The following KSR1 variants were observed in gnomAD, a reference collection of about 807,000 sequenced individuals.
The protein encoded by KSR1 is kinase suppressor of ras 1.
In KSR1, 35 loss-of-function variants were observed where a neutral mutation model predicts 92.9. The observed-to-expected ratio is 0.38, with a 90% CI of 0.29 to 0.50. KSR1 has a LOEUF of 0.50. Ranked by LOEUF, KSR1 falls within the 20% of genes least tolerant of loss-of-function variation. KSR1 has a pLI of 0.94. For synonymous variants in KSR1, 467 were observed against 472.6 expected (o/e 0.99, Z 0.15); for missense variants, 972 against 1,158.5 (o/e 0.84, Z 2.34).
intron 1 of KSR1, among the ~76,000 whole-genome samples, chr17:27,519,426 C>T (rs1198039103): frequency 1.3e-5 from 2 of 152,146 alleles, no homozygotes; most frequent in Admixed American, 6.5e-5. Context: ...CCTCCCCACA[C>T]CCGTGTTACA....
intron 2 of KSR1, among the ~76,000 whole-genome samples, chr17:27,551,568 T>A (rs1598008488): frequency 6.6e-6 from 1 of 152,328 alleles, no homozygotes; most frequent in East Asian, 1.9e-4. Flanking sequence ...CTTTTTTTTT[T>A]TCCTTCCTCT....
chr17:27,573,641 A>G (rs2072393602), intron 2 of KSR1, among the ~76,000 whole-genome samples: 1 of 152,236 alleles, frequency 6.6e-6, no homozygotes, highest in South Asian at 2.1e-4. Flanking sequence ...TTCGAAAAAA[A>G]TAATTTCCCC....
At chr17:27,526,762 A>G in intron 1 of KSR1, 2 of 1,184,008 alleles carry the variant, frequency 1.7e-6, no homozygotes, top group Non-Finnish European at 2.5e-6. Flanking sequence ...CTTTCTCATC[A>G]TCGCACAGTT....
intron 1 of KSR1, among the ~76,000 whole-genome samples, chr17:27,510,338 G>C (rs1252529328): frequency 1.1e-5 from 1 of 90,114 alleles, no homozygotes; most frequent in African/African-American, 4.1e-5. Flanking sequence ...ATGAGCCTCA[G>C]TTTCCCTCAT....
chr17:27,537,683 T>A (rs2070800820), intron 1 of KSR1, among the ~76,000 whole-genome samples: 1 of 152,024 alleles, frequency 6.6e-6, no homozygotes, highest in African/African-American at 2.4e-5. Flanking sequence ...AGAACGAAAC[T>A]CCATCTCAAA....
intron 2 of KSR1, among the ~76,000 whole-genome samples, chr17:27,562,093 G>T (rs898489458): frequency 6.6e-6 from 1 of 152,094 alleles, no homozygotes; most frequent in African/African-American, 2.4e-5. Context: ...TGATCTGCCC[G>T]CCATGGCCTC....
At chr17:27,599,976 C>G (rs1163574171) in intron 10 of KSR1, among the ~76,000 whole-genome samples, 5 of 152,126 alleles carry the variant, frequency 3.3e-5, no homozygotes, top group African/African-American at 4.8e-5. Flanking sequence ...CACATCTTGT[C>G]CCACCGGAAG....
At position 27,605,590 on chromosome 17, in the gene KSR1, G is replaced by A; in HGVS notation, c.1771G>A (p.Val591Ile). ...GGAGTGGGACATCCCCTTCGAGCAGGTAGAGCTGGGCGAGCCCATCGGGCA... is the reference window on the plus strand; with the variant it reads ...GGAGTGGGACATCCCCTTCGAGCAGATAGAGCTGGGCGAGCCCATCGGGCA... ...LQEWDIPFEQ[V>I]ELGEPIGQGR... The change falls in exon 14 of 21, where the codon GTA becomes ATA. Residue 591 changes from valine (V) to isoleucine (I), a missense_variant. Val to Ile is a conservative substitution (Grantham distance 29). This residue lies in a region of KSR1 where 260 missense variants were observed against 375.2 expected (regional missense o/e 0.69). Transcript: ENST00000644974. The A allele has an allele frequency of 3.1e-6, 5 of 1,600,504 alleles. No individual in the cohort carries two copies. The highest frequency in any genetic ancestry group is 4.3e-6 in the Non-Finnish European group (5 of 1,174,232).
At chr17:27,582,108 T>G (rs2072783232) in intron 3 of KSR1, among the ~76,000 whole-genome samples, 1 of 152,120 alleles carries the variant, frequency 6.6e-6, no homozygotes. Flanking sequence ...TGGGGTGGGT[T>G]TCCTGGATTG....
intron 1 of KSR1, among the ~76,000 whole-genome samples, chr17:27,547,875 G>T (rs2071238793): frequency 6.6e-6 from 1 of 152,036 alleles, no homozygotes; most frequent in African/African-American, 2.4e-5. Flanking sequence ...ACCATGCCTG[G>T]CTAATTTTTG....
chr17:27,587,847 G>T (rs2073025393), intron 5 of KSR1, among the ~76,000 whole-genome samples: 1 of 152,246 alleles, frequency 6.6e-6, no homozygotes, highest in Non-Finnish European at 1.5e-5. Flanking sequence ...CAGCAGAGAA[G>T]GAGGGTGCCC....
chr17:27,582,631 C>T lies in KSR1; in HGVS notation c.521-15C>T, dbSNP rs375251573. 33 of 1,592,474 alleles carry T rather than the reference C, an allele frequency of 2.1e-5. No individual in the cohort carries two copies. The highest frequency in any genetic ancestry group is 1.5e-4 in the Admixed American group (9 of 59,156). ...CCAGCCCTGACCATCTGTGACTCCA[C>T]GTCTTGGTCCACAGGAGGGGAGCAC... is the stretch of plus-strand genomic sequence containing the variant. On this transcript the variant is annotated splice_polypyrimidine_tract_variant and intron_variant, in intron 3 of 20. Transcript: ENST00000644974.
intron 11 of KSR1, 48 bp downstream of exon 11, chr17:27,601,449 T>C: frequency 6.4e-7 from 1 of 1,551,450 alleles, no homozygotes; most frequent in Non-Finnish European, 8.9e-7. Context: ...TGTGACCCCT[T>C]CTGTCCTGCC....
At chr17:27,527,758 C>T (rs1425075391) in intron 1 of KSR1, among the ~76,000 whole-genome samples, 1 of 152,150 alleles carries the variant, frequency 6.6e-6, no homozygotes, top group African/African-American at 2.4e-5. Flanking sequence ...ATATCTTGGG[C>T]TTTCACCAAA....
Position 27,592,691 on chromosome 17 carries a change from CT to C in KSR1, c.1299+66del, listed in dbSNP as rs912697787. On this transcript the variant is annotated intron_variant, in intron 9 of 20. Transcript: ENST00000644974. Reference sequence around the variant, plus strand: ...TGGCCTTCCTTCCTATAAAGCACCCCTGCCTCAGAGGCTCAGTGGGGAAGTT... The same window carrying C: ...TGGCCTTCCTTCCTATAAAGCACCCCGCCTCAGAGGCTCAGTGGGGAAGTT... 6.4e-5 allele frequency: 88 copies of C among 1,366,950 alleles called. 1 individual carries two copies. Among genetic ancestry groups the C allele is most frequent in the Middle Eastern group, 2.5e-4 (1 of 4,042 alleles). 84.7% of individuals were successfully genotyped at this position (1,366,950 alleles called of 1,614,324 possible).
intron 1 of KSR1, among the ~76,000 whole-genome samples, chr17:27,533,495 T>G (rs1168496440): frequency 6.6e-6 from 1 of 152,020 alleles, no homozygotes; most frequent in African/African-American, 2.4e-5. Flanking sequence ...GCAATTCTCC[T>G]GCCTCAGCCT....
intron 1 of KSR1, among the ~76,000 whole-genome samples, chr17:27,523,966 G>A (rs1672777127): frequency 1.3e-5 from 2 of 152,202 alleles, no homozygotes. Flanking sequence ...ATTCTGTTAG[G>A]AAGAAAGGAG....
At chr17:27,581,238 A>G (rs938785385) in intron 3 of KSR1, among the ~76,000 whole-genome samples, 1 of 152,142 alleles carries the variant, frequency 6.6e-6, no homozygotes, top group Admixed American at 6.5e-5. Flanking sequence ...CGAGAACAGC[A>G]CCAAGAGGAT....
chr17:27,619,053 C>G (rs992704400), intron 19 of KSR1, among the ~76,000 whole-genome samples: 2 of 152,090 alleles, frequency 1.3e-5, no homozygotes, highest in Non-Finnish European at 2.9e-5. Context: ...CACAGAGTCC[C>G]GCTCTATAAA....
Sources: gnomAD v4.1 joint callset for allele counts (sites outside exome capture counted in the v4.1 genomes callset) on GRCh38, gnomAD v4.1.1 for gene constraint, gnomAD v4.1.1 regional missense constraint, MANE v1.5 for transcripts, NCBI Gene and HGNC (gene_info 2026-07-23, HGNC 2026-07-21) for gene names.